The following MIB1 variants were observed in gnomAD, a reference collection of about 807,000 sequenced individuals.
MIB1 encodes E3 ubiquitin-protein ligase MIB1.
MIB1 carries 278 observed loss-of-function variants against 124.5 expected under a neutral mutation model. That is an observed-to-expected ratio of 2.23 (90% confidence interval 2.02 to 2.47). MIB1 has a LOEUF of 2.47. MIB1 is among the 30% of genes most tolerant of loss of function. The pLI, the probability that MIB1 is intolerant of heterozygous loss-of-function variation, is 0.00. For synonymous variants in MIB1, 446 were observed against 429.4 expected, an observed-to-expected ratio of 1.04 and a Z score of -0.48; for missense variants, 957 against 1,254.4, an observed-to-expected ratio of 0.76 and a Z score of 3.58.
rs760651232 is a variant in MIB1, at chr18:21,815,642, C to T, written c.1506C>T (p.His502=). The T allele has an allele frequency of 1.1e-5, 17 of 1,613,984 alleles. No homozygotes were observed. The highest frequency in any genetic ancestry group is 1.4e-5 in the Non-Finnish European group (17 of 1,179,988). Residue 502 remains histidine, a synonymous_variant, in exon 11 of 21, where the codon CAC becomes CAT. Coordinates refer to ENST00000261537, the MANE Select transcript of MIB1 (RefSeq NM_020774.4). ...ATAAAGATGGTGATAGAGCAGTTCA[C>T]CATGCAGCTTTTGGAGATGAAGGCG... The part of the protein sequence containing the change: ...AEDKDGDRAV[H]HAAFGDEGAV...
chr18:21,790,123 T>G (rs568656406), intron 6 of MIB1, among the ~76,000 whole-genome samples: 12 of 152,246 alleles, frequency 7.9e-5, no homozygotes, highest in Non-Finnish European at 1.6e-4. Flanking sequence ...CATGGAAAAT[T>G]AAAACTAGAT....
At chr18:21,833,264 T>A (rs898577024) in intron 12 of MIB1, among the ~76,000 whole-genome samples, 10 of 152,212 alleles carry the variant, frequency 6.6e-5, no homozygotes, top group African/African-American at 2.4e-4. Flanking sequence ...TTTGCCTCAG[T>A]ATATTCAGAA....
chr18:21,708,463 G>A (rs892274050), intron 1 of MIB1, among the ~76,000 whole-genome samples: 8 of 152,148 alleles, frequency 5.3e-5, no homozygotes, highest in Non-Finnish European at 1.0e-4. Context: ...AGACCAGCTT[G>A]ACCAACATCG....
rs370259148 is a variant in MIB1, at chr18:21,740,830, C to T, written c.-754C>T. ...GAGACGCTTAGGGATCAGTTTTCTC[C>T]TCCTTTCTTCCCGCGATCGCGCGGC... On this transcript the variant is annotated 5_prime_UTR_variant, in exon 1 of 21. Coordinates refer to ENST00000261537, the MANE Select transcript of MIB1 (RefSeq NM_020774.4). Among the ~76,000 whole-genome samples the T allele has an allele frequency of 4.5e-4, 69 of 152,242 alleles. No homozygotes were observed. The highest frequency in any genetic ancestry group is 6.0e-4 in the Non-Finnish European group (41 of 68,042).
intron 18 of MIB1, among the ~76,000 whole-genome samples, chr18:21,854,012 T>TAAA (rs56276526): frequency 5.4e-5 from 3 of 55,098 alleles, no homozygotes; most frequent in African/African-American, 1.5e-4. Context: ...GACTCAGTCT[T>TAAA]AAAAAAAAAA....
chr18:21,758,338 T>C (rs2041058325), intron 1 of MIB1, among the ~76,000 whole-genome samples: 1 of 152,196 alleles, frequency 6.6e-6, no homozygotes, highest in South Asian at 2.1e-4. Flanking sequence ...TCTAAACCAG[T>C]TAAATATTTT....
At chr18:21,706,827 G>T (rs1037962880) in intron 1 of MIB1, among the ~76,000 whole-genome samples, 3 of 152,216 alleles carry the variant, frequency 2.0e-5, no homozygotes, top group Non-Finnish European at 2.9e-5. Flanking sequence ...CTCCTGCGGG[G>T]CAAGCCTCCC....
At position 21,835,664 on chromosome 18, in the gene MIB1, G is replaced by A. The variant is rs1202563956; in HGVS notation, c.1830-2701G>A. Among the ~76,000 whole-genome samples, 4 of 151,520 alleles carry A rather than the reference G, an allele frequency of 2.6e-5. No individual in the cohort carries two copies. In the South Asian group the frequency reaches 6.2e-4, roughly 24 times the overall value. On this transcript the variant is annotated intron_variant, in intron 12 of 20. Transcript: ENST00000261537. ...TGGGCACCTGTAATCCCAGCTACTC[G>A]GGAGGCTGAGGCAGAGAATTGCTTG...
At chr18:21,840,069 A>G (rs143640417) in intron 13 of MIB1, among the ~76,000 whole-genome samples, 3 of 152,192 alleles carry the variant, frequency 2.0e-5, no homozygotes, top group Non-Finnish European at 1.5e-5. Flanking sequence ...GAGTCACTCA[A>G]TAGAATTGTT....
intron 16 of MIB1, 148 bp from the exon 17 acceptor site, chr18:21,849,044 AATTT>A (rs1342859129): frequency 1.6e-5 from 8 of 492,160 alleles, no homozygotes; most frequent in African/African-American, 4.0e-5. Context: ...TAAACACAAA[AATTT>A]AATGTTTCAC....
intron 1 of MIB1, among the ~76,000 whole-genome samples, chr18:21,715,698 A>G (rs770830980): frequency 6.6e-6 from 1 of 152,090 alleles, no homozygotes; most frequent in African/African-American, 2.4e-5. Flanking sequence ...CAATGGATGC[A>G]CTTATAGAAT....
chr18:21,777,104 T>A (rs1380003626), intron 4 of MIB1, among the ~76,000 whole-genome samples: 1 of 152,050 alleles, frequency 6.6e-6, no homozygotes, highest in Non-Finnish European at 1.5e-5. Flanking sequence ...TTGGTTTGTT[T>A]TTGGTAAAAG....
At chr18:21,734,938 G>A (rs2040789406) in intron 1 of MIB1, among the ~76,000 whole-genome samples, 1 of 152,208 alleles carries the variant, frequency 6.6e-6, no homozygotes, top group Non-Finnish European at 1.5e-5. Flanking sequence ...ACAAAAAATG[G>A]AACTCCATGC....
chr18:21,850,470 G>A (rs2042171092), intron 17 of MIB1, among the ~76,000 whole-genome samples: 1 of 152,066 alleles, frequency 6.6e-6, no homozygotes, highest in African/African-American at 2.4e-5. Context: ...TAATGAATTA[G>A]CTGGCAGGGA....
intron 12 of MIB1, chr18:21,830,567 T>C (rs1216462644): frequency 2.0e-5 from 3 of 152,188 alleles, no homozygotes; most frequent in Admixed American, 1.3e-4. Flanking sequence ...TAGGTAAGCA[T>C]GCAGAAAGTC....
chr18:21,749,441 A>G (rs1160285476), intron 1 of MIB1, among the ~76,000 whole-genome samples: 1 of 152,138 alleles, frequency 6.6e-6, no homozygotes, highest in Non-Finnish European at 1.5e-5. Context: ...CACTGCAACA[A>G]GTATCTTTGT....
intron 1 of MIB1, among the ~76,000 whole-genome samples, chr18:21,765,491 T>C (rs1338315019): frequency 2.6e-5 from 4 of 152,246 alleles, no homozygotes; most frequent in Admixed American, 1.3e-4. Flanking sequence ...TTCTCTGTGC[T>C]GAACTTAAGT....
chr18:21,747,402 T>A (rs1403778209), intron 1 of MIB1, among the ~76,000 whole-genome samples: 2 of 152,212 alleles, frequency 1.3e-5, no homozygotes, highest in African/African-American at 4.8e-5. Context: ...TCAGTAAGTT[T>A]GGGATTCTGC....
intron 3 of MIB1, among the ~76,000 whole-genome samples, chr18:21,773,060 G>T (rs1306720615): frequency 6.6e-6 from 1 of 152,188 alleles, no homozygotes; most frequent in African/African-American, 2.4e-5. Flanking sequence ...GAGGTCAGGA[G>T]TTCGAGACCA....
Sources: gnomAD v4.1 joint callset for allele counts (sites outside exome capture counted in the v4.1 genomes callset) on GRCh38, gnomAD v4.1.1 for gene constraint, MANE v1.5 for transcripts, NCBI Gene and HGNC (gene_info 2026-07-23, HGNC 2026-07-21) for gene names.